Variants in NAALADL2 observed in about 807,000 individuals in gnomAD.
NAALADL2 encodes the protein N-acetylated alpha-linked acidic dipeptidase like 2, also known as inactive N-acetylated-alpha-linked acidic dipeptidase-like protein 2.
In NAALADL2, 76 loss-of-function variants were observed where a neutral mutation model predicts 87.2. The observed-to-expected ratio is 0.87, with a 90% CI of 0.72 to 1.05. The LOEUF (loss-of-function observed/expected upper bound fraction) is 1.05, where lower values mean the gene tolerates loss of function less well. Ranked by LOEUF, NAALADL2 falls within the 50% of genes least tolerant of loss-of-function variation. The pLI is 0.00. For missense variants in NAALADL2, 1,089 were observed against 945.8 expected (o/e 1.15, Z -1.99); for synonymous variants, 354 against 331.0 (o/e 1.07, Z -0.75).
chr3:174,464,270 T>A (rs1206058251), intron 1 of NAALADL2, among the ~76,000 whole-genome samples: 1 of 152,134 alleles, frequency 6.6e-6, no homozygotes, highest in Non-Finnish European at 1.5e-5. Flanking sequence ...CTAACCTTAT[T>A]CCAATCTGTA....
intron 1 of NAALADL2, among the ~76,000 whole-genome samples, chr3:174,492,312 A>C (rs76875670): frequency 0.025 from 3,741 of 152,128 alleles, 156 homozygotes; most frequent in African/African-American, 0.086. Context: ...TGATTAGTTC[A>C]GAGAATCTGG....
At chr3:175,290,681 G>A (rs1238975921) in intron 4 of NAALADL2, among the ~76,000 whole-genome samples, 2 of 152,100 alleles carry the variant, frequency 1.3e-5, no homozygotes, top group Non-Finnish European at 2.9e-5. Context: ...ATGACCTTGA[G>A]CAATAGGATA....
chr3:175,608,344 C>G (rs925703148), intron 10 of NAALADL2, among the ~76,000 whole-genome samples: 2 of 151,212 alleles, frequency 1.3e-5, no homozygotes, highest in East Asian at 4.0e-4. Context: ...ATTAGCTCCA[C>G]TTTTTCCTAA....
chr3:175,541,142 T>G (rs1031931383), intron 9 of NAALADL2, among the ~76,000 whole-genome samples: 5 of 152,158 alleles, frequency 3.3e-5, no homozygotes, highest in African/African-American at 1.2e-4. Context: ...TGAGATATCT[T>G]TCGAATCCTT....
chr3:174,526,152 G>A (rs1720725187), intron 1 of NAALADL2, among the ~76,000 whole-genome samples: 1 of 152,156 alleles, frequency 6.6e-6, no homozygotes, highest in African/African-American at 2.4e-5. Context: ...TCACTTACCA[G>A]TTGAGGCTTA....
chr3:174,534,046 A>G (rs911463262), intron 1 of NAALADL2, among the ~76,000 whole-genome samples: 10 of 152,200 alleles, frequency 6.6e-5, no homozygotes, highest in African/African-American at 2.4e-4. Context: ...TGTGGGAGGT[A>G]GAAAATATAT....
chr3:175,443,353 T>A (rs1720127912), intron 5 of NAALADL2, among the ~76,000 whole-genome samples: 1 of 152,226 alleles, frequency 6.6e-6, no homozygotes, highest in South Asian at 2.1e-4. Context: ...AATAGAGCAT[T>A]CTAGAGAAAA....
At chr3:175,452,761 C>T (rs1212779966) in intron 6 of NAALADL2, among the ~76,000 whole-genome samples, 8 of 152,196 alleles carry the variant, frequency 5.3e-5, no homozygotes, top group Non-Finnish European at 8.8e-5. Flanking sequence ...AGCTGCCAGT[C>T]GGAAGTCCTT....
chr3:175,572,008 G>C (rs1293274096), intron 9 of NAALADL2, among the ~76,000 whole-genome samples: 6 of 152,188 alleles, frequency 3.9e-5, no homozygotes. Context: ...CAAAGAAAGA[G>C]AGAGGAGGAG....
chr3:175,322,037 C>G (rs912559575), intron 4 of NAALADL2, among the ~76,000 whole-genome samples: 5 of 151,888 alleles, frequency 3.3e-5, no homozygotes, highest in African/African-American at 1.2e-4. Context: ...CAAGTCAATC[C>G]GAAGCCAAAA....
chr3:175,136,946 A>G (rs1729201809), intron 2 of NAALADL2, among the ~76,000 whole-genome samples: 1 of 152,200 alleles, frequency 6.6e-6, no homozygotes, highest in South Asian at 2.1e-4. Flanking sequence ...AAGTACATAC[A>G]TCATTGGTGG....
chr3:174,633,535 T>C (rs1411571342), intron 2 of NAALADL2, among the ~76,000 whole-genome samples: 1 of 152,178 alleles, frequency 6.6e-6, no homozygotes, highest in African/African-American at 2.4e-5. Flanking sequence ...AAATAACAGA[T>C]AGCTAGAACA....
At chr3:174,615,672 TCTCTCG>T (rs1404758147) in intron 2 of NAALADL2, among the ~76,000 whole-genome samples, 1 of 152,118 alleles carries the variant, frequency 6.6e-6, no homozygotes, top group East Asian at 1.9e-4. Flanking sequence ...ATGATCTTTT[TCTCTCG>T]CTCTCCCTCT....
chr3:174,457,908 C>T (rs746015609), intron 1 of NAALADL2, among the ~76,000 whole-genome samples: 18 of 152,122 alleles, frequency 1.2e-4, no homozygotes, highest in African/African-American at 3.4e-4. Flanking sequence ...AAGTACCACA[C>T]GTTCTCACTT....
intron 1 of NAALADL2, among the ~76,000 whole-genome samples, chr3:174,938,210 T>A (rs190969810): frequency 6.6e-6 from 1 of 152,170 alleles, no homozygotes; most frequent in African/African-American, 2.4e-5. Flanking sequence ...CAGTGTCTGT[T>A]GCTTTATTCT....
intron 1 of NAALADL2, among the ~76,000 whole-genome samples, chr3:174,921,089 A>C (rs1386376530): frequency 6.6e-6 from 1 of 152,222 alleles, no homozygotes; most frequent in Non-Finnish European, 1.5e-5. Context: ...AACTAAAAAT[A>C]TTGTGAGAAT....
intron 3 of NAALADL2, among the ~76,000 whole-genome samples, chr3:175,241,954 T>C (rs565384908): frequency 7.0e-6 from 1 of 143,138 alleles, no homozygotes; most frequent in South Asian, 2.4e-4. Context: ...CTCTGCCTCC[T>C]GGGTTCATGT....
chr3:175,793,501 G>C (rs539896316), intron 13 of NAALADL2, among the ~76,000 whole-genome samples: 1 of 151,176 alleles, frequency 6.6e-6, no homozygotes, highest in Admixed American at 6.6e-5. Context: ...ATATTTAGTA[G>C]AGACGGGGTT....
At chr3:175,059,936 G>T in intron 1 of NAALADL2, 2 of 416,520 alleles carry the variant, frequency 4.8e-6, no homozygotes, top group South Asian at 2.0e-5. Flanking sequence ...ACATCTGCTT[G>T]TGGTGGCACA....
Sources: allele counts gnomAD v4.1 joint callset (sites outside exome capture counted in the v4.1 genomes callset), GRCh38; gene constraint gnomAD v4.1.1; transcripts MANE v1.5; gene names NCBI Gene and HGNC (gene_info 2026-07-23, HGNC 2026-07-21).